Variants in STAC observed in about 807,000 individuals in gnomAD.
STAC encodes SH3 and cysteine-rich domain-containing protein.
A neutral mutation model predicts 48.8 loss-of-function variants in STAC; 43 were observed. The ratio of observed to expected loss-of-function variants is 0.88; its 90% CI spans 0.69 to 1.14. The LOEUF (loss-of-function observed/expected upper bound fraction) is 1.14. Ranked by LOEUF, STAC falls within the 50% of genes most tolerant of loss-of-function variation. The pLI is 0.00. For synonymous variants in STAC, 193 were observed against 179.5 expected (o/e 1.07, Z -0.60); for missense variants, 497 against 504.0 (o/e 0.99, Z 0.13).
rs59589769 is a variant in STAC, at chr3:36,390,451, C to CTTTTTTTTTTTTTTTTTTTTTTTTTTT, written c.111+9718_111+9719insTTTTTTTTTTTTTTTTTTTTTTTTTTT. Reference sequence around the variant, plus strand: ...GAAGTAATCATGTGATTTTTCTTTTCTTTTTTTTTTTTTTTTTTTTTGTCC... The same window carrying CTTTTTTTTTTTTTTTTTTTTTTTTTTT: ...GAAGTAATCATGTGATTTTTCTTTTCTTTTTTTTTTTTTTTTTTTTTTTTTTTTTTTTTTTTTTTTTTTTTTTTGTCC... On this transcript the variant is annotated intron_variant, in intron 1 of 10. Coordinates refer to ENST00000273183, the MANE Select transcript of STAC (RefSeq NM_003149.3). 1.4e-4 allele frequency among the ~76,000 whole-genome samples: 11 copies of CTTTTTTTTTTTTTTTTTTTTTTTTTTT among 80,824 alleles called. 1 individual carries two copies. The highest frequency in any genetic ancestry group is 3.2e-4 in the Admixed American group (2 of 6,226). 53.0% of individuals were successfully genotyped at this position (80,824 alleles called of 152,430 possible).
Position 36,448,194 on chromosome 3 carries a change from TTTTAC to T in STAC, c.388+4559_388+4563del, listed in dbSNP as rs202021360. Among the ~76,000 whole-genome samples the T allele has an allele frequency of 5.4e-3, 786 of 145,358 alleles. 10 individuals are homozygous for T. The highest frequency in any genetic ancestry group is 0.017 in the African/African-American group (654 of 38,490). Reference sequence around the variant, plus strand: ...TTTTATTTTATTTTATTTTACTTTATTTTACTTTATTTTATTTTACTTTATTTAAC... The same window carrying T: ...TTTTATTTTATTTTATTTTACTTTATTTTATTTTATTTTACTTTATTTAAC... On this transcript the variant is annotated intron_variant, in intron 2 of 10. Transcript: ENST00000273183.
chr3:36,434,291 G>T (rs1700775624), intron 1 of STAC, among the ~76,000 whole-genome samples: 1 of 152,116 alleles, frequency 6.6e-6, no homozygotes, highest in Non-Finnish European at 1.5e-5. Flanking sequence ...TCATTTAATG[G>T]TTTAATATCT....
intron 10 of STAC, among the ~76,000 whole-genome samples, chr3:36,541,149 C>T (rs1274899129): frequency 6.6e-6 from 1 of 151,992 alleles, no homozygotes; most frequent in African/African-American, 2.4e-5. Flanking sequence ...GAAAGATTTT[C>T]TTCCTAAGGC....
At chr3:36,434,583 G>A (rs956371178) in intron 1 of STAC, among the ~76,000 whole-genome samples, 4 of 152,134 alleles carry the variant, frequency 2.6e-5, no homozygotes, top group Non-Finnish European at 5.9e-5. Context: ...AAATGTCAAC[G>A]GGCAGGAAAC....
intron 1 of STAC, among the ~76,000 whole-genome samples, chr3:36,414,095 G>C (rs1456618273): frequency 6.6e-6 from 1 of 152,114 alleles, no homozygotes; most frequent in Admixed American, 6.5e-5. Flanking sequence ...TTTCTCTCTG[G>C]CTGCCCTTAA....
At chr3:36,441,420 A>C (rs957906610) in intron 1 of STAC, among the ~76,000 whole-genome samples, 3 of 152,104 alleles carry the variant, frequency 2.0e-5, no homozygotes, top group African/African-American at 4.8e-5. Context: ...CAAATGACAG[A>C]GTTTCATTCT....
chr3:36,546,262 C>T lies in STAC; in HGVS notation c.1182C>T (p.Ile394=). 1 of 1,614,032 alleles carries T rather than the reference C, an allele frequency of 6.2e-7. No homozygotes were observed. The highest frequency in any genetic ancestry group is 8.5e-7 in the Non-Finnish European group (1 of 1,179,918). The change falls in exon 11 of 11, where the codon ATC becomes ATT. Residue 394 remains isoleucine, a synonymous_variant. Coordinates refer to ENST00000273183, the MANE Select transcript of STAC (RefSeq NM_003149.3). ...TCAGTGGAAAAAAGAAAGGCCTCAT[C>T]CCCCTTGATGTACTAGAAAACATCT... ...RVLSGKKKGL[I]PLDVLENI
chr3:36,531,912 G>C (rs950038462), intron 10 of STAC, among the ~76,000 whole-genome samples: 1 of 152,070 alleles, frequency 6.6e-6, no homozygotes, highest in Admixed American at 6.5e-5. Flanking sequence ...ATGATACAAT[G>C]GTAGTAAAAA....
intron 1 of STAC, among the ~76,000 whole-genome samples, chr3:36,436,945 C>T (rs1331372608): frequency 1.3e-5 from 2 of 151,600 alleles, no homozygotes; most frequent in Non-Finnish European, 2.9e-5. Context: ...AACAAACAAC[C>T]CCATCAAAAA....
intron 2 of STAC, among the ~76,000 whole-genome samples, chr3:36,450,238 G>C (rs991163231): frequency 2.4e-4 from 37 of 152,158 alleles, no homozygotes; most frequent in African/African-American, 8.2e-4. Flanking sequence ...ACAGTCATTA[G>C]TAAATGGGAA....
chr3:36,487,827 T>G (rs190545040), intron 5 of STAC, among the ~76,000 whole-genome samples: 34 of 152,246 alleles, frequency 2.2e-4, no homozygotes, highest in Non-Finnish European at 4.1e-4. Flanking sequence ...GAGGGGATAA[T>G]GTGTGTCATT....
intron 1 of STAC, among the ~76,000 whole-genome samples, chr3:36,425,959 G>A (rs1700554150): frequency 6.6e-6 from 1 of 152,246 alleles, no homozygotes; most frequent in East Asian, 1.9e-4. Flanking sequence ...GGAGCCCGGT[G>A]GGGCAGAGGT....
intron 8 of STAC, among the ~76,000 whole-genome samples, chr3:36,527,581 T>G (rs970589871): frequency 6.6e-6 from 1 of 152,106 alleles, no homozygotes; most frequent in African/African-American, 2.4e-5. Flanking sequence ...TGTAAGTGTG[T>G]AAGAAAGACA....
At chr3:36,447,188 T>A (rs953973215) in intron 2 of STAC, among the ~76,000 whole-genome samples, 2 of 152,136 alleles carry the variant, frequency 1.3e-5, no homozygotes, top group African/African-American at 4.8e-5. Flanking sequence ...AGTCATTGGC[T>A]ATGTCTGCCC....
intron 8 of STAC, among the ~76,000 whole-genome samples, chr3:36,512,609 G>A (rs950160626): frequency 3.9e-5 from 6 of 152,126 alleles, no homozygotes; most frequent in African/African-American, 1.4e-4. Flanking sequence ...CTGCCTGGTG[G>A]TGGTCATCAC....
At chr3:36,428,488 T>G (rs1700617923) in intron 1 of STAC, among the ~76,000 whole-genome samples, 1 of 152,228 alleles carries the variant, frequency 6.6e-6, no homozygotes, top group Non-Finnish European at 1.5e-5. Context: ...ATTGCCAATT[T>G]TCAATATGCT....
intron 2 of STAC, among the ~76,000 whole-genome samples, chr3:36,465,000 C>T (rs1483365884): frequency 6.6e-6 from 1 of 152,128 alleles, no homozygotes; most frequent in Non-Finnish European, 1.5e-5. Flanking sequence ...ATTGCTGAAT[C>T]AAGCAGTACA....
At chr3:36,539,925 T>C (rs1381553975) in intron 10 of STAC, among the ~76,000 whole-genome samples, 1 of 152,216 alleles carries the variant, frequency 6.6e-6, no homozygotes, top group East Asian at 1.9e-4. Context: ...TGTTACTTTA[T>C]ATGACAAAAG....
rs188625954 is a variant in STAC at position 36,531,837 on chromosome 3, G to A, written c.1110+2852G>A. Among the ~76,000 whole-genome samples the A allele has an allele frequency of 4.8e-3, 735 of 152,210 alleles. 6 individuals are homozygous for A. Among genetic ancestry groups the A allele is most frequent in the South Asian group, 6.4e-3 (31 of 4,820 alleles). On this transcript the variant is annotated intron_variant, in intron 10 of 10. Coordinates refer to ENST00000273183, the MANE Select transcript of STAC (RefSeq NM_003149.3). ...AGTGAGGAGAGACCTAGGAGAGAGG[G>A]CAGATATCTTCAAATATTGTGTCAC...
Sources: allele counts gnomAD v4.1 joint callset (sites outside exome capture counted in the v4.1 genomes callset), GRCh38; gene constraint gnomAD v4.1.1; transcripts MANE v1.5; gene names NCBI Gene and HGNC (gene_info 2026-07-23, HGNC 2026-07-21).